Variants in PRKCB observed in about 807,000 individuals in gnomAD.
PRKCB encodes protein kinase C beta.
A neutral mutation model predicts 81.5 loss-of-function variants in PRKCB; 13 were observed. The observed-to-expected ratio is 0.16, with a 90% CI of 0.10 to 0.25. The LOEUF is 0.25. Ranked by LOEUF, PRKCB falls within the 10% of genes least tolerant of loss-of-function variation. PRKCB has a pLI of 1.00. For missense variants in PRKCB, 509 were observed against 875.7 expected (o/e 0.58, Z 5.29); for synonymous variants, 335 against 321.4 (o/e 1.04, Z -0.45).
In PRKCB at chr16:24,218,580, C is replaced by A; in HGVS notation, c.*3764C>A. ...AACTCCATAGAGACATTTTACCTAT[C>A]TCAGGGGAGCAGCCACAAAGAAGCA... On this transcript the variant is annotated 3_prime_UTR_variant, in exon 17 of 17. Coordinates refer to ENST00000643927, the MANE Select transcript of PRKCB (RefSeq NM_002738.7). 1.0e-6 allele frequency: 1 copy of A among 985,450 alleles called. No homozygotes were observed. Among genetic ancestry groups the A allele is most frequent in the Non-Finnish European group, 1.2e-6 (1 of 829,966 alleles). 61.0% of individuals were successfully genotyped at this position (985,450 alleles called of 1,614,324 possible).
chr16:23,869,845 C>T (rs1021029439), intron 2 of PRKCB, among the ~76,000 whole-genome samples: 1 of 151,934 alleles, frequency 6.6e-6, no homozygotes, highest in Non-Finnish European at 1.5e-5. Context: ...AACATGGTGA[C>T]ACTCCATCTC....
chr16:24,175,779 C>G (rs1156323629), intron 12 of PRKCB, among the ~76,000 whole-genome samples: 4 of 151,614 alleles, frequency 2.6e-5, no homozygotes, highest in African/African-American at 7.3e-5. Flanking sequence ...CCAGACCAGC[C>G]TAAGCAACAT....
intron 2 of PRKCB, among the ~76,000 whole-genome samples, chr16:23,974,871 C>G (rs552993461): frequency 1.6e-4 from 24 of 152,240 alleles, no homozygotes; most frequent in Non-Finnish European, 3.4e-4. Flanking sequence ...GTGACACCAT[C>G]GGGAGGAATC....
intron 8 of PRKCB, among the ~76,000 whole-genome samples, chr16:24,115,380 C>G (rs1254575700): frequency 9.0e-6 from 1 of 111,436 alleles, no homozygotes; most frequent in Non-Finnish European, 2.3e-5. Context: ...TAGCATTTAT[C>G]CCAAGAATAT....
At position 24,193,241 on chromosome 16, in the gene PRKCB, G is replaced by A. The variant is rs1238960549; in HGVS notation, c.1863+2011G>A. On this transcript the variant is annotated intron_variant, in intron 16 of 16. Coordinates refer to ENST00000643927, the MANE Select transcript of PRKCB (RefSeq NM_002738.7). ...GTGGATCACCTGAGCTCAGGAGTTCGAGATCAGCCTGGCCAACGTGGTAAA... is the reference window on the plus strand; with the variant it reads ...GTGGATCACCTGAGCTCAGGAGTTCAAGATCAGCCTGGCCAACGTGGTAAA... Among the ~76,000 whole-genome samples, 11 of 151,930 alleles carry A rather than the reference G, an allele frequency of 7.2e-5. No homozygotes were observed. The South Asian group carries it at 1.9e-3, about 26-fold the overall frequency.
At chr16:23,898,064 C>T (rs1180650351) in intron 2 of PRKCB, among the ~76,000 whole-genome samples, 2 of 129,066 alleles carry the variant, frequency 1.5e-5, no homozygotes, top group African/African-American at 5.4e-5. Context: ...CCATGCCCGG[C>T]TAATTTTTTT....
At chr16:23,841,315 G>C (rs1774017825) in intron 2 of PRKCB, among the ~76,000 whole-genome samples, 1 of 151,968 alleles carries the variant, frequency 6.6e-6, no homozygotes, top group South Asian at 2.1e-4. Context: ...CCTGACCTCA[G>C]GTGATCCACC....
intron 2 of PRKCB, among the ~76,000 whole-genome samples, chr16:23,861,878 A>C (rs910993410): frequency 2.6e-5 from 4 of 152,156 alleles, no homozygotes; most frequent in Non-Finnish European, 5.9e-5. Context: ...ATATAGCTCT[A>C]TCTCTTGAAA....
rs1596606836 is a variant in PRKCB at position 24,220,397 on chromosome 16, C to A, written c.*5581C>A. The A allele has an allele frequency of 4.0e-6, 1 of 249,660 alleles. No individual in the cohort carries two copies. The highest frequency in any genetic ancestry group is 1.2e-3 in the Middle Eastern group (1 of 806). The allele number at this position is 249,660 out of a possible 1,614,324, so 15.5% of individuals were successfully genotyped here. A position where few individuals can be genotyped will look rare whatever the true frequency, so the allele number is the denominator to read the frequency against. On this transcript the variant is annotated 3_prime_UTR_variant, in exon 17 of 17. Transcript: ENST00000643927. ...AATGTCAAAACTACTGTGTCTGATA[C>A]CAAAATGCTTCAGTATTTGTAATTT... is the stretch of plus-strand genomic sequence containing the variant.
intron 2 of PRKCB, among the ~76,000 whole-genome samples, chr16:23,846,965 T>TC (rs1962380227): frequency 6.6e-6 from 1 of 151,690 alleles, no homozygotes; most frequent in African/African-American, 2.4e-5. Context: ...GGCATCTCCT[T>TC]CCCCCTCAGC....
chr16:24,214,946 T>C lies in PRKCB; in HGVS notation c.*130T>C. 3 of 1,503,768 alleles carry C rather than the reference T, an allele frequency of 2.0e-6. No homozygotes were observed. The highest frequency in any genetic ancestry group is 2.6e-6 in the Non-Finnish European group (3 of 1,132,636). 93.2% of individuals were successfully genotyped at this position (1,503,768 alleles called of 1,614,324 possible). On this transcript the variant is annotated 3_prime_UTR_variant, in exon 17 of 17. Transcript: ENST00000643927. The stretch of plus-strand genomic sequence containing the variant: ...TTCTGATGAGACTAGAGTGACAGTG[T>C]TTCAGAACCCAAATGTCCTCAGGTA...
intron 5 of PRKCB, among the ~76,000 whole-genome samples, chr16:24,060,815 T>G (rs754036355): frequency 1.3e-5 from 2 of 152,186 alleles, no homozygotes; most frequent in Non-Finnish European, 2.9e-5. Flanking sequence ...TACATTGCAG[T>G]TCAGTTTCTC....
intron 5 of PRKCB, among the ~76,000 whole-genome samples, chr16:24,036,299 C>T (rs1289851819): frequency 1.3e-5 from 2 of 152,004 alleles, no homozygotes; most frequent in South Asian, 2.1e-4. Flanking sequence ...GAAGTTCAAG[C>T]AAAATTGGAA....
intron 3 of PRKCB, among the ~76,000 whole-genome samples, chr16:24,031,037 C>T (rs60475927): frequency 6.6e-6 from 1 of 152,174 alleles, no homozygotes; most frequent in African/African-American, 2.4e-5. Flanking sequence ...GCACTCCAGC[C>T]TGGGTGACAG....
intron 5 of PRKCB, among the ~76,000 whole-genome samples, chr16:24,081,071 C>G (rs898460225): frequency 6.6e-6 from 1 of 152,084 alleles, no homozygotes; most frequent in African/African-American, 2.4e-5. Context: ...TGTTTTTAAA[C>G]TTTAATAAAG....
intron 5 of PRKCB, among the ~76,000 whole-genome samples, chr16:24,081,788 T>A (rs1966253408): frequency 6.6e-6 from 1 of 152,042 alleles, no homozygotes; most frequent in South Asian, 2.1e-4. Flanking sequence ...GGAGAATTGC[T>A]TGAACCTGGG....
rs187213680 is a variant in PRKCB, at chr16:24,051,504, C to T, written c.529+15957C>T. Among the ~76,000 whole-genome samples, 253 of 152,192 alleles carry T rather than the reference C, an allele frequency of 1.7e-3. 4 individuals carry two copies. The highest frequency in any genetic ancestry group is 5.8e-3 in the African/African-American group (241 of 41,512). On this transcript the variant is annotated intron_variant, in intron 5 of 16. Transcript: ENST00000643927. Reference sequence around the variant, plus strand: ...CGCTTGCAGGTGAGTTCTTTACTGTCTCTAGGAATGGGCTAGCCCTGGGAC... The same window carrying T: ...CGCTTGCAGGTGAGTTCTTTACTGTTTCTAGGAATGGGCTAGCCCTGGGAC...
At chr16:23,836,774 G>T (rs1029409994) in intron 1 of PRKCB, among the ~76,000 whole-genome samples, 4 of 151,368 alleles carry the variant, frequency 2.6e-5, no homozygotes, top group Non-Finnish European at 5.9e-5. Flanking sequence ...TTTCCGGGGG[G>T]GGCGGCGCCC....
chr16:24,188,418 C>T (rs560099140), intron 15 of PRKCB, among the ~76,000 whole-genome samples: 16 of 152,126 alleles, frequency 1.1e-4, no homozygotes, highest in Admixed American at 3.9e-4. Context: ...GAGCAGAGTG[C>T]GGGAACTGGG....
Sources: gnomAD v4.1 joint callset for allele counts (sites outside exome capture counted in the v4.1 genomes callset) on GRCh38, gnomAD v4.1.1 for gene constraint, MANE v1.5 for transcripts, NCBI Gene and HGNC (gene_info 2026-07-23, HGNC 2026-07-21) for gene names.